Variants in AFF1 observed in about 807,000 individuals in gnomAD.
AFF1 encodes ALF transcription elongation factor 1, also known as AF4/FMR2 family member 1.
Under a neutral mutation model 121.7 loss-of-function variants are expected in AFF1, and 48 were observed. The ratio of observed to expected loss-of-function variants is 0.39; its 90% CI spans 0.31 to 0.50. The LOEUF is 0.50. AFF1 is among the 20% of genes least tolerant of loss of function. The pLI, the probability that AFF1 is intolerant of heterozygous loss-of-function variation, is 0.76. For synonymous variants in AFF1, 613 were observed against 563.0 expected (o/e 1.09, Z -1.26); for missense variants, 1,523 against 1,511.7 (o/e 1.01, Z -0.12).
chr4:87,100,130 C>A (rs1725272912), intron 8 of AFF1, among the ~76,000 whole-genome samples: 1 of 151,954 alleles, frequency 6.6e-6, no homozygotes, highest in African/African-American at 2.4e-5. Flanking sequence ...CAATAAGTGA[C>A]CCTAGGCTAA....
intron 5 of AFF1, among the ~76,000 whole-genome samples, chr4:87,089,164 T>G (rs1724043807): frequency 6.6e-6 from 1 of 152,182 alleles, no homozygotes; most frequent in Non-Finnish European, 1.5e-5. Context: ...CTGTAGATGT[T>G]GGGGTTGTAG....
rs1316035735 is a variant in AFF1 at position 87,139,212 on chromosome 4, T to G, written c.*3511T>G. The G allele has an allele frequency of 4.3e-6, 1 of 232,066 alleles. No individual in the cohort carries two copies. Among genetic ancestry groups the G allele is most frequent in the Non-Finnish European group, 8.5e-6 (1 of 117,390 alleles). 14.4% of individuals were successfully genotyped at this position (232,066 alleles called of 1,614,324 possible). On this transcript the variant is annotated 3_prime_UTR_variant, in exon 21 of 21. Transcript: ENST00000395146. ...ACCCAGTTTTTAAATACCGCTGTGT[T>G]TGTTTCGCCATGGCTTCAGGGATGC...
At chr4:87,088,489 A>G (rs1165978947) in intron 5 of AFF1, among the ~76,000 whole-genome samples, 2 of 152,188 alleles carry the variant, frequency 1.3e-5, no homozygotes, top group African/African-American at 4.8e-5. Context: ...ATTTTTGTGG[A>G]GATAGGTTAG....
At chr4:87,039,717 A>G (rs893869871) in intron 2 of AFF1, among the ~76,000 whole-genome samples, 48 of 152,198 alleles carry the variant, frequency 3.2e-4, no homozygotes, top group Admixed American at 3.9e-4. Context: ...GATGGTGGAC[A>G]GTAGTATATG....
chr4:87,128,584 C>T (rs1728519349), intron 16 of AFF1, among the ~76,000 whole-genome samples: 2 of 152,216 alleles, frequency 1.3e-5, no homozygotes, highest in Non-Finnish European at 2.9e-5. Flanking sequence ...CCTAACTACA[C>T]ATTTCAGACA....
chr4:86,946,960 T>C (rs907266154), intron 1 of AFF1, among the ~76,000 whole-genome samples: 1 of 152,172 alleles, frequency 6.6e-6, no homozygotes, highest in African/African-American at 2.4e-5. Context: ...AGAAGTGTTA[T>C]GAAGAATAAT....
intron 2 of AFF1, among the ~76,000 whole-genome samples, chr4:87,025,821 C>T (rs973229257): frequency 6.6e-6 from 1 of 152,178 alleles, no homozygotes; most frequent in Non-Finnish European, 1.5e-5. Context: ...GTTTGTGTTT[C>T]CGAGAGCGTC....
intron 19 of AFF1, among the ~76,000 whole-genome samples, chr4:87,134,027 A>C (rs1465829258): frequency 6.6e-6 from 1 of 152,228 alleles, no homozygotes. Context: ...ACAGTAGATA[A>C]ATGTAAGAAA....
intron 4 of AFF1, 153 bp downstream of exon 4, chr4:87,047,747 G>A (rs773700633): frequency 5.2e-6 from 5 of 967,204 alleles, no homozygotes; most frequent in East Asian, 4.8e-5. Flanking sequence ...AATAACCCGC[G>A]AAAAACTCAG....
At position 87,114,638 on chromosome 4, in the gene AFF1, C is replaced by A. The variant is rs1158281559; in HGVS notation, c.1805C>A (p.Pro602Gln). 2 of 1,613,014 alleles carry A rather than the reference C, an allele frequency of 1.2e-6. No homozygotes were observed. Among genetic ancestry groups the A allele is most frequent in the East Asian group, 2.2e-5 (1 of 44,812 alleles). Residue 602 changes from proline (P) to glutamine (Q), a missense_variant, in exon 12 of 21, where the codon CCA becomes CAA. Transcript: ENST00000395146. ...AAGTCTCCGGCACAGCAGGAGCCCC[C>A]ACAAAGGCAAACCGTTGGAACCAAA... ...CQKSPAQQEPPQRQTVGTKQP... is the reference protein window; with the variant it reads ...CQKSPAQQEPQQRQTVGTKQP...
Position 87,132,166 on chromosome 4 carries a change from C to T in AFF1, c.3174-105C>T, listed in dbSNP as rs1055715741. ...AAGATACTTTACATACTAACTCACA[C>T]AGGTGAGGCAAACCCGGTGTGTTCA... is the stretch of plus-strand genomic sequence containing the variant. On this transcript the variant is annotated intron_variant, in intron 18 of 20. Coordinates refer to ENST00000395146, the MANE Select transcript of AFF1 (RefSeq NM_001166693.3). 4 of 1,362,162 alleles carry T rather than the reference C, an allele frequency of 2.9e-6. No individual in the cohort carries two copies. In the African/African-American group the frequency reaches 4.4e-5, roughly 15 times the overall value. The allele number at this position is 1,362,162 out of a possible 1,614,324, so 84.4% of individuals were successfully genotyped here.
intron 2 of AFF1, among the ~76,000 whole-genome samples, chr4:86,952,739 A>T (rs1377680539): frequency 7.3e-6 from 1 of 137,816 alleles, no homozygotes; most frequent in Non-Finnish European, 1.5e-5. Context: ...CTCAGGCTGG[A>T]GTGCAGTGGC....
chr4:87,044,545 G>T (rs1000330451), intron 2 of AFF1, among the ~76,000 whole-genome samples: 2 of 152,154 alleles, frequency 1.3e-5, no homozygotes, highest in African/African-American at 4.8e-5. Context: ...CCAGAGATTT[G>T]CCAGAAGCTG....
At chr4:86,974,143 CTTATTTATTTATTTAT>C (rs779283523) in intron 2 of AFF1, 1 of 152,074 alleles carries the variant, frequency 6.6e-6, no homozygotes, top group Admixed American at 6.6e-5. Context: ...CAGAATTCAA[CTTATTTATTTATTTAT>C]TTTTGAGATG....
chr4:87,098,257 A>T (rs768759382), intron 8 of AFF1, among the ~76,000 whole-genome samples: 5 of 152,228 alleles, frequency 3.3e-5, no homozygotes, highest in Non-Finnish European at 5.9e-5. Flanking sequence ...ATGGTTCAGC[A>T]TGTAGTTTGA....
At chr4:86,951,623 C>CTTTTTTT (rs1285365564) in intron 2 of AFF1, among the ~76,000 whole-genome samples, 27 of 69,400 alleles carry the variant, frequency 3.9e-4, no homozygotes, top group East Asian at 1.6e-3. Flanking sequence ...TTCTTTTTTT[C>CTTTTTTT]TTTTTTTTTT....
intron 8 of AFF1, among the ~76,000 whole-genome samples, chr4:87,100,780 A>G (rs1326458210): frequency 1.3e-5 from 2 of 152,202 alleles, no homozygotes; most frequent in African/African-American, 4.8e-5. Flanking sequence ...GTAATATTTT[A>G]GATTTTGTTT....
intron 16 of AFF1, among the ~76,000 whole-genome samples, chr4:87,129,028 C>G (rs1374986628): frequency 6.6e-6 from 1 of 152,198 alleles, no homozygotes; most frequent in African/African-American, 2.4e-5. Context: ...TATTCATACT[C>G]TAGGGAACTT....
intron 4 of AFF1, among the ~76,000 whole-genome samples, chr4:87,078,614 G>T (rs1239955939): frequency 6.6e-6 from 1 of 152,184 alleles, no homozygotes. Context: ...GCTTTAGTAG[G>T]AATTATCCCT....
Sources: allele counts gnomAD v4.1 joint callset (sites outside exome capture counted in the v4.1 genomes callset), GRCh38; gene constraint gnomAD v4.1.1; transcripts MANE v1.5; gene names NCBI Gene and HGNC (gene_info 2026-07-23, HGNC 2026-07-21).